CAMSAP1: variants seen among roughly 807,000 people sequenced by gnomAD.
CAMSAP1 encodes the protein calmodulin regulated spectrin associated protein 1, also known as calmodulin-regulated spectrin-associated protein 1.
Under a neutral mutation model 143.5 loss-of-function variants are expected in CAMSAP1, and 58 were observed. That is an observed-to-expected ratio of 0.40 (90% confidence interval 0.33 to 0.50). The LOEUF is 0.50. Among genes scored for constraint, CAMSAP1 ranks in the 20% least tolerant of loss-of-function variants. The probability of loss-of-function intolerance (pLI) is 0.45; values close to 1 mark genes in which losing one functional copy is unlikely to be tolerated. For missense variants in CAMSAP1, 1,969 were observed against 2,115.7 expected (o/e 0.93, Z 1.36); for synonymous variants, 945 against 859.3 (o/e 1.10, Z -1.74).
chr9:135,818,558 T>C lies in CAMSAP1; in HGVS notation c.4018A>G (p.Ile1340Val). Residue 1340 changes from isoleucine to valine, a missense_variant, in exon 13 of 17, where the codon ATC becomes GTC. Transcript: ENST00000389532. This position sits in a 1 kb window ranked among gnomAD's most constrained non-coding sequence, Gnocchi z 7.7. ...KEEEKARREL[I>V]KQEYLRRKQQ... ...TTCCTCCGCAGGTACTCCTGCTTGA[T>C]GAGCTCGCGCCGCGCCTTCTCCTCC... The C allele has an allele frequency of 6.2e-7, 1 of 1,613,184 alleles. No individual in the cohort carries two copies. Among genetic ancestry groups the C allele is most frequent in the Non-Finnish European group, 8.5e-7 (1 of 1,179,746 alleles).
chr9:135,881,015 A>G (rs1588500307), intron 3 of CAMSAP1, among the ~76,000 whole-genome samples: 1 of 152,074 alleles, frequency 6.6e-6, no homozygotes, highest in East Asian at 1.9e-4. Flanking sequence ...AAACTCCTTT[A>G]TTGCATATAG....
At chr9:135,875,474 G>C (rs1285792120) in intron 3 of CAMSAP1, among the ~76,000 whole-genome samples, 1 of 152,104 alleles carries the variant, frequency 6.6e-6, no homozygotes, top group Non-Finnish European at 1.5e-5. Flanking sequence ...GCCTCCCAAA[G>C]TGCTGAGATT....
chr9:135,879,833 G>C (rs1203844256), intron 3 of CAMSAP1, among the ~76,000 whole-genome samples: 1 of 151,492 alleles, frequency 6.6e-6, no homozygotes, highest in Non-Finnish European at 1.5e-5. Context: ...AGGGCCACAG[G>C]GGAGTCACTG....
chr9:135,871,721 G>T (rs1837576253), intron 3 of CAMSAP1, among the ~76,000 whole-genome samples: 2 of 151,790 alleles, frequency 1.3e-5, no homozygotes, highest in South Asian at 4.2e-4. Flanking sequence ...TTGAGGTCAG[G>T]TGTTTGAGAA....
chr9:135,827,852 G>A (rs1010029289), intron 7 of CAMSAP1, among the ~76,000 whole-genome samples: 3 of 152,224 alleles, frequency 2.0e-5, no homozygotes, highest in Non-Finnish European at 4.4e-5. Flanking sequence ...GCTCTGTCTT[G>A]GTCACCGTCT....
Position 135,818,448 on chromosome 9 carries a change from TTC to T in CAMSAP1, c.4126_4127del (p.Glu1376ArgfsTer15). 6.2e-7 allele frequency: 1 copy of T among 1,600,304 alleles called. No individual in the cohort carries two copies. The highest frequency in any genetic ancestry group is 8.5e-7 in the Non-Finnish European group (1 of 1,177,092). ...KKPRPKSVHR[E>X]ESCSDSGTKC... is the part of the protein sequence containing the mutation. The stretch of plus-strand genomic sequence containing the variant: ...TGGTGCCGGAGTCGCTGCACGACTC[TTC>T]CCGGTGCACCGACTTCGGCCGCGGC... On this transcript the variant is annotated frameshift_variant, in exon 13 of 17. Transcript: ENST00000389532. LOFTEE classifies it high-confidence loss of function. The surrounding 1 kb of genome is among the most constrained non-coding windows in gnomAD (Gnocchi z 7.7).
Position 135,882,909 on chromosome 9 carries a change from G to A in CAMSAP1, c.330C>T (p.Val110=), listed in dbSNP as rs1007679007. The A allele has an allele frequency of 5.2e-6, 8 of 1,551,624 alleles. No homozygotes were observed. The highest frequency in any genetic ancestry group is 6.1e-6 in the Non-Finnish European group (7 of 1,147,022). ...TCCCTTTCCGGGACAGGGCCTGGAT[G>A]ACAGACTGGTGTCCCTGTAAGGCGG... ...QVAALQGHQS[V]IQALSRKGIY... is the part of the protein sequence containing the mutation. Residue 110 remains valine, a synonymous_variant, in exon 2 of 17, where the codon GTC becomes GTT. Coordinates refer to ENST00000389532, the MANE Select transcript of CAMSAP1 (RefSeq NM_015447.4). This position sits in a 1 kb window ranked among gnomAD's most constrained non-coding sequence, Gnocchi z 4.9.
Position 135,836,802 on chromosome 9 carries a change from T to A in CAMSAP1, c.1046-9218A>T, listed in dbSNP as rs551487641. The stretch of plus-strand genomic sequence containing the variant: ...TACAGACACACATCATCATGCACTT[T>A]CTACCCCGTTCTACAGACATGTCAC... On this transcript the variant is annotated intron_variant, in intron 7 of 16. Coordinates refer to ENST00000389532, the MANE Select transcript of CAMSAP1 (RefSeq NM_015447.4). 3.9e-5 allele frequency: 38 copies of A among 984,060 alleles called. No individual in the cohort carries two copies. The South Asian group carries it at 1.7e-3, about 44-fold the overall frequency. 61.0% of individuals were successfully genotyped at this position (984,060 alleles called of 1,614,324 possible).
At position 135,850,427 on chromosome 9, in the gene CAMSAP1, G is replaced by C; in HGVS notation, c.843C>G (p.Asp281Glu). 1 of 1,602,292 alleles carries C rather than the reference G, an allele frequency of 6.2e-7. No homozygotes were observed. Among genetic ancestry groups the C allele is most frequent in the Non-Finnish European group, 8.5e-7 (1 of 1,176,678 alleles). The change falls in exon 6 of 17, where the codon GAC becomes GAG. Residue 281 changes from aspartate (D) to glutamate (E), a missense_variant. This residue lies in a region of CAMSAP1 where 221 missense variants were observed against 298.2 expected (regional missense o/e 0.74). Transcript: ENST00000389532. ...TCAGAAGCCGAATATTATACAGACT[G>C]TCGGCCATCGACGTTACCTCCTTTA... ...ICLKEVTSMA[D>E]SLYNIRLLRE...
chr9:135,841,579 C>G (rs1836355222), intron 7 of CAMSAP1, among the ~76,000 whole-genome samples: 1 of 152,228 alleles, frequency 6.6e-6, no homozygotes, highest in East Asian at 1.9e-4. Context: ...CAGGGGTCAA[C>G]AGACACCTCA....
intron 15 of CAMSAP1, 83 bp downstream of exon 15, chr9:135,815,807 A>G (rs1231055096): frequency 1.7e-6 from 2 of 1,143,654 alleles, no homozygotes; most frequent in African/African-American, 3.1e-5. Context: ...TTTAGACCAA[A>G]ATAGAGAACA....
At chr9:135,855,252 A>T (rs374345958) in intron 5 of CAMSAP1, among the ~76,000 whole-genome samples, 1 of 151,766 alleles carries the variant, frequency 6.6e-6, no homozygotes, top group Non-Finnish European at 1.5e-5. Context: ...TTGGCCTCCC[A>T]AAGGGCTGGG....
chr9:135,904,795 T>C (rs1838722501), intron 1 of CAMSAP1, among the ~76,000 whole-genome samples: 1 of 151,996 alleles, frequency 6.6e-6, no homozygotes, highest in Non-Finnish European at 1.5e-5. Context: ...GAGTAACCCG[T>C]CTCTACGAAA....
At position 135,810,475 on chromosome 9, in the gene CAMSAP1, T is replaced by C. The variant is rs1303318491; in HGVS notation, c.*834A>G. The C allele has an allele frequency of 1.3e-5, 2 of 152,592 alleles. No homozygotes were observed. Among genetic ancestry groups the C allele is most frequent in the African/African-American group, 4.8e-5 (2 of 41,442 alleles). The allele number at this position is 152,592 out of a possible 1,614,324, so 9.5% of individuals were successfully genotyped here. The stretch of plus-strand genomic sequence containing the variant: ...TAAAGTGAACAAACCATTAGAGCAC[T>C]ACCCAAAACTTAATGAATGATGGCT... On this transcript the variant is annotated 3_prime_UTR_variant, in exon 17 of 17. Transcript: ENST00000389532.
rs1331888421 is a variant in CAMSAP1, at chr9:135,818,676, G to A, written c.3960-60C>T. 8 of 1,562,790 alleles carry A rather than the reference G, an allele frequency of 5.1e-6. No homozygotes were observed. The East Asian group carries it at 9.2e-5, about 18-fold the overall frequency. ...ACGGGGCTTCTTCCACGACGCCTGC[G>A]CCGCGGCGCTCTGTCCAGGCGCGTT... On this transcript the variant is annotated intron_variant, in intron 12 of 16. Transcript: ENST00000389532. This position sits in a 1 kb window ranked among gnomAD's most constrained non-coding sequence, Gnocchi z 7.7.
rs1835544886 is a variant in CAMSAP1 at position 135,823,100 on chromosome 9, C to T, written c.1561G>A (p.Ala521Thr). Residue 521 changes from alanine to threonine, a missense_variant, in exon 11 of 17, where the codon GCC becomes ACC. By Grantham distance (58) the Ala-to-Thr change is moderately conservative. This residue lies in a region of CAMSAP1 where 1,390 missense variants were observed against 1,420.8 expected (regional missense o/e 0.98). Transcript: ENST00000389532. ...AGGCTCTTCCCGTGGCTCTTCGTGG[C>T]CGTGGGGTGTGGCTGGTTCTGTGGG... ...LTPQNQPHPT[A>T]TKSHGKSLLS... 1 of 1,613,880 alleles carries T rather than the reference C, an allele frequency of 6.2e-7. No homozygotes were observed. The highest frequency in any genetic ancestry group is 1.3e-5 in the African/African-American group (1 of 74,920).
At chr9:135,895,893 C>CAA (rs1358756945) in intron 1 of CAMSAP1, among the ~76,000 whole-genome samples, 1 of 151,932 alleles carries the variant, frequency 6.6e-6, no homozygotes, top group African/African-American at 2.4e-5. Flanking sequence ...GAGATACACC[C>CAA]AAAAACAATA....
At chr9:135,867,344 TAA>T (rs1299532356) in intron 3 of CAMSAP1, among the ~76,000 whole-genome samples, 1 of 152,076 alleles carries the variant, frequency 6.6e-6, no homozygotes, top group African/African-American at 2.4e-5. Flanking sequence ...TATGCATGAT[TAA>T]AAGAGTCCTT....
intron 3 of CAMSAP1, among the ~76,000 whole-genome samples, chr9:135,875,760 C>T (rs577779322): frequency 6.6e-6 from 1 of 152,226 alleles, no homozygotes; most frequent in South Asian, 2.1e-4. Flanking sequence ...TCAACCCTTC[C>T]CTCATATCAT....
Sources: allele counts gnomAD v4.1 joint callset (sites outside exome capture counted in the v4.1 genomes callset), GRCh38; gene constraint gnomAD v4.1.1; regional missense constraint gnomAD v4.1.1; non-coding constraint Gnocchi (gnomAD v3.1); transcripts MANE v1.5; gene names NCBI Gene and HGNC (gene_info 2026-07-23, HGNC 2026-07-21).